The following OBP2B variants were observed in gnomAD, a reference collection of about 807,000 sequenced individuals.
The protein encoded by OBP2B is odorant-binding protein 2b.
In OBP2B, 10 loss-of-function variants were observed where a neutral mutation model predicts 21.7. The ratio of observed to expected loss-of-function variants is 0.46; its 90% CI spans 0.28 to 0.78. OBP2B has a LOEUF of 0.78. Ranked by LOEUF, OBP2B falls within the 30% of genes least tolerant of loss-of-function variation. The pLI is 0.11. For synonymous variants in OBP2B, 73 were observed against 91.5 expected (o/e 0.80, Z 1.16); for missense variants, 153 against 217.7 (o/e 0.70, Z 1.87).
the OBP2B span, among the ~76,000 whole-genome samples, chr9:133,220,474 C>T: frequency 6.6e-6 from 1 of 152,118 alleles, no homozygotes; most frequent in African/African-American, 2.4e-5. Context: ...TAATGGTCCC[C>T]TGAAGATGTC....
Position 133,205,282 on chromosome 9 carries a change from G to A in OBP2B, c.*131C>T. The A allele has an allele frequency of 6.8e-7, 1 of 1,465,252 alleles. No individual in the cohort carries two copies. The highest frequency in any genetic ancestry group is 9.2e-7 in the Non-Finnish European group (1 of 1,082,432). The allele number at this position is 1,465,252 out of a possible 1,614,324, so 90.8% of individuals were successfully genotyped here. The stretch of plus-strand genomic sequence containing the variant: ...CACAGATAGGCCTGCCCAGAGCTGG[G>A]GGAGAAGGACTTTATTTGGAGTCAG... On this transcript the variant is annotated 3_prime_UTR_variant, in exon 7 of 7. Coordinates refer to ENST00000372034, the MANE Select transcript of OBP2B (RefSeq NM_014581.4).
intron 2 of OBP2B, 70 bp downstream of exon 2, chr9:133,208,399 A>G (rs1833813669): frequency 1.9e-6 from 3 of 1,597,712 alleles, no homozygotes; most frequent in East Asian, 2.2e-5. Flanking sequence ...GGATGGGGCA[A>G]TGGGCACCAG....
At chr9:133,206,924 C>G (rs1168156883) in intron 4 of OBP2B, among the ~76,000 whole-genome samples, 3 of 152,112 alleles carry the variant, frequency 2.0e-5, no homozygotes, top group East Asian at 1.9e-4. Flanking sequence ...GTCCCTGCCC[C>G]ATGAAGAGCT....
At chr9:133,206,290 G>C (rs1464709349) in intron 5 of OBP2B, 25 bp downstream of exon 5, 1 of 1,604,740 alleles carries the variant, frequency 6.2e-7, no homozygotes, top group Non-Finnish European at 8.5e-7. Flanking sequence ...GAGGGACACA[G>C]GGGACTGGGC....
chr9:133,207,403 G>T, intron 3 of OBP2B, 67 bp from the exon 4 acceptor site: 2 of 1,118,782 alleles, frequency 1.8e-6, no homozygotes, highest in Non-Finnish European at 1.3e-6. Context: ...AGAAACACTC[G>T]GGAATGTTTC....
Position 133,209,021 on chromosome 9 carries a change from G to C in OBP2B, c.72+107C>G, listed in dbSNP as rs1416952026. 7.1e-6 allele frequency: 9 copies of C among 1,261,378 alleles called. No individual in the cohort carries two copies. The Admixed American group carries it at 1.8e-4, about 25-fold the overall frequency. 78.1% of individuals were successfully genotyped at this position (1,261,378 alleles called of 1,614,324 possible). ...CACCACCCCAGGCTGGGAGCACGGG[G>C]TCAGAAGCCAGCCTTCAGTGACACC... is the stretch of plus-strand genomic sequence containing the variant. On this transcript the variant is annotated intron_variant, in intron 1 of 6. Coordinates refer to ENST00000372034, the MANE Select transcript of OBP2B (RefSeq NM_014581.4). This position sits in a 1 kb window ranked among gnomAD's most constrained non-coding sequence, Gnocchi z 6.0.
Position 133,208,561 on chromosome 9 carries a change from C to T in OBP2B, c.114G>A (p.Lys38=), listed in dbSNP as rs1293243820. 32 of 1,612,612 alleles carry T rather than the reference C, an allele frequency of 2.0e-5. No homozygotes were observed. The highest frequency in any genetic ancestry group is 2.6e-5 in the Non-Finnish European group (31 of 1,179,272). ...TWYVKAMVVD[K]DFPEDRRPRK... is the part of the protein sequence containing the mutation. Reference sequence around the variant, plus strand: ...TGGGCCTCCTGTCCTCCGGAAAGTCCTTATCGACCACCATGGCCTTCACGT... The same window carrying T: ...TGGGCCTCCTGTCCTCCGGAAAGTCTTTATCGACCACCATGGCCTTCACGT... Residue 38 remains lysine, a synonymous_variant, in exon 2 of 7, where the codon AAG becomes AAA. Coordinates refer to ENST00000372034, the MANE Select transcript of OBP2B (RefSeq NM_014581.4).
At chr9:133,217,137 G>C in the OBP2B span, among the ~76,000 whole-genome samples, 2,670 of 152,156 alleles carry the variant, frequency 0.018, 36 homozygotes, top group Middle Eastern at 0.034. Flanking sequence ...CTGAATAAAG[G>C]TTCATTTTTA....
the OBP2B span, among the ~76,000 whole-genome samples, chr9:133,216,154 A>T: frequency 6.6e-6 from 1 of 151,766 alleles, no homozygotes; most frequent in Non-Finnish European, 1.5e-5. Flanking sequence ...AAGACAAGCC[A>T]AAGACTGAAA....
At chr9:133,219,910 A>G in the OBP2B span, among the ~76,000 whole-genome samples, 1 of 152,264 alleles carries the variant, frequency 6.6e-6, no homozygotes, top group Non-Finnish European at 1.5e-5. Context: ...AAAAGGTGGT[A>G]TTATCCACAC....
At chr9:133,209,709 G>A (rs1338270421), upstream of OBP2B, among the ~76,000 whole-genome samples, 2 of 152,074 alleles carry the variant, frequency 1.3e-5, no homozygotes, top group Admixed American at 6.5e-5. This position sits in a 1 kb window ranked among gnomAD's most constrained non-coding sequence, Gnocchi z 6.0. Flanking sequence ...AGTCCCGCAC[G>A]CCCTAGAGCC....
chr9:133,212,803 C>T (rs138437132), upstream of OBP2B, among the ~76,000 whole-genome samples: 1,297 of 152,046 alleles, frequency 8.5e-3, 23 homozygotes, highest in African/African-American at 0.028. Flanking sequence ...TGGTGGTGCA[C>T]GCCTGTAATC....
At chr9:133,206,166 C>G (rs547974633) in intron 5 of OBP2B, 149 bp downstream of exon 5, 3 of 1,113,718 alleles carry the variant, frequency 2.7e-6, no homozygotes, top group Non-Finnish European at 4.0e-6. Flanking sequence ...ATGAGGAGGA[C>G]GCTAAACAGG....
At chr9:133,205,885 C>T (rs782799337) in intron 6 of OBP2B, 32 bp downstream of exon 6, 2 of 1,613,852 alleles carry the variant, frequency 1.2e-6, no homozygotes, top group South Asian at 1.1e-5. Flanking sequence ...GGACTCTGGG[C>T]TTGTCCAGTG....
At chr9:133,214,136 A>G (rs1833947106), upstream of OBP2B, among the ~76,000 whole-genome samples, 1 of 152,252 alleles carries the variant, frequency 6.6e-6, no homozygotes, top group African/African-American at 2.4e-5. Flanking sequence ...CAATGCAGAA[A>G]AAGTATTTGA....
upstream of OBP2B, among the ~76,000 whole-genome samples, chr9:133,210,098 A>G (rs537123243): frequency 3.0e-4 from 46 of 152,228 alleles, no homozygotes; most frequent in African/African-American, 1.0e-3. Context: ...ACCAAGAGTC[A>G]CCTGCCAGCC....
chr9:133,213,859 AAAT>A (rs1445411714), upstream of OBP2B, among the ~76,000 whole-genome samples: 1 of 152,254 alleles, frequency 6.6e-6, no homozygotes, highest in Non-Finnish European at 1.5e-5. Flanking sequence ...TTTAAAAAAT[AAAT>A]AACACCAACT....
chr9:133,207,348 A>C lies in OBP2B; in HGVS notation c.278-12T>G, dbSNP rs1833761328. ...CTTCCTGCCCCCATCTGTAGATGAC[A>C]GAGAAAATGGGTCATTCCCAGAGAG... On this transcript the variant is annotated splice_polypyrimidine_tract_variant and intron_variant, in intron 3 of 6. Coordinates refer to ENST00000372034, the MANE Select transcript of OBP2B (RefSeq NM_014581.4). 1 of 1,554,490 alleles carries C rather than the reference A, an allele frequency of 6.4e-7. No individual in the cohort carries two copies. Among genetic ancestry groups the C allele is most frequent in the Admixed American group, 1.7e-5 (1 of 59,428 alleles).
upstream of OBP2B, among the ~76,000 whole-genome samples, chr9:133,213,041 A>G (rs1447961636): frequency 6.6e-6 from 1 of 152,182 alleles, no homozygotes; most frequent in African/African-American, 2.4e-5. Context: ...CCTGGACAGC[A>G]TGACAAAACC....
Sources: gnomAD v4.1 joint callset for allele counts (sites outside exome capture counted in the v4.1 genomes callset) on GRCh38, gnomAD v4.1.1 for gene constraint, Gnocchi (gnomAD v3.1) non-coding constraint, MANE v1.5 for transcripts, NCBI Gene and HGNC (gene_info 2026-07-23, HGNC 2026-07-21) for gene names.